Variants in CEP112 observed in about 807,000 individuals in gnomAD.
CEP112 encodes the protein centrosomal protein 112, also known as centrosomal protein of 112 kDa.
A neutral mutation model predicts 153.0 loss-of-function variants in CEP112; 127 were observed. The ratio of observed to expected loss-of-function variants is 0.83; its 90% CI spans 0.72 to 0.96. The LOEUF (loss-of-function observed/expected upper bound fraction) is 0.96, where lower values mean the gene tolerates loss of function less well. CEP112 is among the 40% of genes least tolerant of loss of function. The probability of loss-of-function intolerance (pLI) is 0.00; values close to 1 mark genes in which losing one functional copy is unlikely to be tolerated. For missense variants in CEP112, 1,089 were observed against 1,101.2 expected (o/e 0.99, Z 0.16); for synonymous variants, 358 against 374.4 (o/e 0.96, Z 0.51).
intron 21 of CEP112, among the ~76,000 whole-genome samples, chr17:65,774,127 C>T (rs1291694197): frequency 6.7e-6 from 1 of 150,316 alleles, no homozygotes; most frequent in Non-Finnish European, 1.5e-5. Context: ...TAAACGATAA[C>T]CAGGGCTGAC....
At position 65,988,411 on chromosome 17, in the gene CEP112, C is replaced by T. The variant is rs142062022; in HGVS notation, c.1736+17279G>A. ...AACAGCAAACAACGAACCATGAACT[C>T]CTCAAAGAGACAGAGCAAGGAACCA... On this transcript the variant is annotated intron_variant, in intron 17 of 26. Coordinates refer to ENST00000535342, the MANE Select transcript of CEP112 (RefSeq NM_001199165.4). Among the ~76,000 whole-genome samples the T allele has an allele frequency of 3.9e-5, 6 of 152,260 alleles. No homozygotes were observed. The East Asian group carries it at 1.2e-3, about 29-fold the overall frequency.
intron 20 of CEP112, among the ~76,000 whole-genome samples, chr17:65,896,577 G>A (rs902246699): frequency 7.3e-4 from 111 of 151,974 alleles, no homozygotes; most frequent in African/African-American, 2.6e-3. Flanking sequence ...AAATTCACAT[G>A]TAATACTAAA....
intron 16 of CEP112, among the ~76,000 whole-genome samples, chr17:66,025,375 T>C (rs1334768668): frequency 6.6e-6 from 1 of 152,054 alleles, no homozygotes; most frequent in Admixed American, 6.5e-5. Flanking sequence ...TTGCAAACTA[T>C]GCATCTGGCC....
intron 19 of CEP112, among the ~76,000 whole-genome samples, chr17:65,903,876 C>G (rs560173128): frequency 1.3e-5 from 2 of 152,214 alleles, no homozygotes; most frequent in East Asian, 1.9e-4. Context: ...ATGATTAACT[C>G]AATAGATGCA....
At chr17:66,162,970 A>C (rs2071777052) in intron 4 of CEP112, among the ~76,000 whole-genome samples, 2 of 152,150 alleles carry the variant, frequency 1.3e-5, no homozygotes, top group Admixed American at 1.3e-4. Flanking sequence ...ATAAATCTGA[A>C]AAATATGATG....
chr17:66,100,007 A>C (rs1042494268), intron 6 of CEP112, among the ~76,000 whole-genome samples: 1 of 152,078 alleles, frequency 6.6e-6, no homozygotes, highest in African/African-American at 2.4e-5. Context: ...AAAATACTAC[A>C]AATCAAAATA....
At chr17:65,833,642 C>T (rs1255005348) in intron 21 of CEP112, among the ~76,000 whole-genome samples, 1 of 152,066 alleles carries the variant, frequency 6.6e-6, no homozygotes, top group Admixed American at 6.5e-5. Context: ...CCTAGGAATA[C>T]AGCTAACCAC....
intron 6 of CEP112, among the ~76,000 whole-genome samples, chr17:66,126,114 T>C (rs186965764): frequency 1.1e-4 from 16 of 152,340 alleles, no homozygotes; most frequent in East Asian, 1.9e-4. Context: ...GTGATTTTCA[T>C]TGAATGTTAA....
At chr17:65,866,794 A>C (rs2058502093) in intron 20 of CEP112, among the ~76,000 whole-genome samples, 2 of 152,018 alleles carry the variant, frequency 1.3e-5, no homozygotes, top group African/African-American at 4.8e-5. Context: ...ACCTGTCTAG[A>C]CACCCTGGCT....
intron 17 of CEP112, among the ~76,000 whole-genome samples, chr17:66,004,556 T>C (rs1354454796): frequency 1.3e-5 from 2 of 152,216 alleles, no homozygotes; most frequent in East Asian, 3.9e-4. Context: ...CTAATGAATA[T>C]TATTGTTCTC....
intron 24 of CEP112, among the ~76,000 whole-genome samples, chr17:65,679,924 C>T (rs948382158): frequency 2.6e-5 from 4 of 152,270 alleles, no homozygotes; most frequent in Admixed American, 1.3e-4. Flanking sequence ...CTAATATTAC[C>T]CGAAAGCTAC....
chr17:65,698,227 A>G (rs1269266072), intron 23 of CEP112, among the ~76,000 whole-genome samples: 1 of 152,220 alleles, frequency 6.6e-6, no homozygotes, highest in East Asian at 1.9e-4. Flanking sequence ...GCGACAAACC[A>G]CATGCATGAG....
At chr17:66,174,306 A>G (rs938737785) in intron 4 of CEP112, among the ~76,000 whole-genome samples, 8 of 152,244 alleles carry the variant, frequency 5.3e-5, no homozygotes, top group African/African-American at 1.9e-4. Context: ...GACATTTCAA[A>G]TTACTAATAA....
At chr17:65,943,505 ATTCT>A (rs1276630552) in intron 18 of CEP112, among the ~76,000 whole-genome samples, 2 of 152,216 alleles carry the variant, frequency 1.3e-5, no homozygotes, top group Non-Finnish European at 2.9e-5. Flanking sequence ...TGGGTTGGAA[ATTCT>A]TTTCTTTAAG....
rs761108636 is a variant in CEP112, at chr17:65,961,497, T to C, written c.1838A>G (p.Asn613Ser). 2 of 1,612,178 alleles carry C rather than the reference T, an allele frequency of 1.2e-6. No individual in the cohort carries two copies. Among genetic ancestry groups the C allele is most frequent in the Non-Finnish European group, 1.7e-6 (2 of 1,178,410 alleles). ...CATTTCAGCATAGACTTTCTCTGAGTTCAGTTCCACCTGCCGCTTAAACTC... is the reference window on the plus strand; with the variant it reads ...CATTTCAGCATAGACTTTCTCTGAGCTCAGTTCCACCTGCCGCTTAAACTC... ...LEEFKRQVEL[N>S]SEKVYAEMKE... Residue 613 changes from asparagine to serine, a missense_variant, in exon 18 of 27, where the codon AAC becomes AGC. Coordinates refer to ENST00000535342, the MANE Select transcript of CEP112 (RefSeq NM_001199165.4).
At chr17:65,959,919 G>A (rs2062138632) in intron 18 of CEP112, among the ~76,000 whole-genome samples, 1 of 152,188 alleles carries the variant, frequency 6.6e-6, no homozygotes, top group African/African-American at 2.4e-5. Flanking sequence ...CTGAGTGGGT[G>A]GAATGAGCCC....
At chr17:65,700,212 C>T (rs951101465) in intron 23 of CEP112, among the ~76,000 whole-genome samples, 6 of 152,038 alleles carry the variant, frequency 3.9e-5, no homozygotes, top group Non-Finnish European at 7.4e-5. Flanking sequence ...TCATTACTTC[C>T]GTAAGTTAAT....
intron 24 of CEP112, among the ~76,000 whole-genome samples, chr17:65,669,990 G>A (rs994710395): frequency 1.3e-5 from 2 of 151,844 alleles, no homozygotes; most frequent in Admixed American, 1.3e-4. Context: ...CTTCTACTTG[G>A]CTATGAGCTC....
chr17:65,843,142 T>C (rs1404583159), intron 21 of CEP112, among the ~76,000 whole-genome samples: 4 of 152,196 alleles, frequency 2.6e-5, no homozygotes, highest in African/African-American at 4.8e-5. Flanking sequence ...ATATAAACCT[T>C]CATATAAATG....
Sources: allele counts gnomAD v4.1 joint callset (sites outside exome capture counted in the v4.1 genomes callset), GRCh38; gene constraint gnomAD v4.1.1; transcripts MANE v1.5; gene names NCBI Gene and HGNC (gene_info 2026-07-23, HGNC 2026-07-21).